Variants in IQCK observed in about 807,000 individuals in gnomAD.
IQCK encodes the protein IQ domain-containing protein K.
In IQCK, 29 loss-of-function variants were observed where a neutral mutation model predicts 28.1. The observed-to-expected ratio is 1.03, with a 90% CI of 0.77 to 1.41. The LOEUF (loss-of-function observed/expected upper bound fraction) is 1.41. Ranked by LOEUF, IQCK falls within the 40% of genes most tolerant of loss-of-function variation. The pLI is 0.00. For synonymous variants in IQCK, 113 were observed against 115.1 expected (o/e 0.98, Z 0.12); for missense variants, 359 against 314.7 (o/e 1.14, Z -1.07).
At chr16:19,724,972 T>A (rs1453164815) in intron 1 of IQCK, among the ~76,000 whole-genome samples, 8 of 152,192 alleles carry the variant, frequency 5.3e-5, no homozygotes. Context: ...GGTTCACTTG[T>A]GGCACAGGGG....
At chr16:19,773,323 C>T (rs1429974335) in intron 6 of IQCK, among the ~76,000 whole-genome samples, 2 of 152,152 alleles carry the variant, frequency 1.3e-5, no homozygotes, top group Non-Finnish European at 2.9e-5. Context: ...AGACCCAGCT[C>T]TGAATGTGCA....
At chr16:19,821,071 A>T (rs1471734281) in intron 7 of IQCK, among the ~76,000 whole-genome samples, 1 of 152,132 alleles carries the variant, frequency 6.6e-6, no homozygotes, top group Non-Finnish European at 1.5e-5. Flanking sequence ...AGCCAGGCAC[A>T]GTGGTACACA....
intron 9 of IQCK, among the ~76,000 whole-genome samples, chr16:19,840,651 G>C (rs2056353745): frequency 6.6e-6 from 1 of 152,170 alleles, no homozygotes. Flanking sequence ...CTTTGAAGTA[G>C]TTACTGCTAT....
chr16:19,753,110 G>A (rs2055008932), intron 4 of IQCK, among the ~76,000 whole-genome samples: 1 of 151,938 alleles, frequency 6.6e-6, no homozygotes, highest in African/African-American at 2.4e-5. Flanking sequence ...GAGCCAACTC[G>A]GGTCAATTGT....
chr16:19,740,978 A>AAAAT (rs1555514721), intron 4 of IQCK, among the ~76,000 whole-genome samples: 55 of 151,602 alleles, frequency 3.6e-4, no homozygotes, highest in African/African-American at 1.3e-3. Flanking sequence ...AAAAAAAAAA[A>AAAAT]AAAAAGAATA....
At chr16:19,748,353 G>A (rs950679046) in intron 4 of IQCK, among the ~76,000 whole-genome samples, 6 of 152,072 alleles carry the variant, frequency 3.9e-5, no homozygotes, top group Admixed American at 3.9e-4. Context: ...GGAATTACAG[G>A]CATGAGACAC....
chr16:19,856,555 C>T (rs539274992), exon 10 of IQCK: 2 of 1,611,254 alleles, frequency 1.2e-6, no homozygotes, highest in South Asian at 1.1e-5. Flanking sequence ...TTAACCATAG[C>T]TAAGACGTAT....
Position 19,746,536 on chromosome 16 carries a change from G to A in IQCK, c.474+11086G>A, listed in dbSNP as rs78439336. 9.1e-4 allele frequency among the ~76,000 whole-genome samples: 138 copies of A among 152,240 alleles called. 2 individuals carry two copies. The East Asian group carries it at 0.022, about 24-fold the overall frequency. ...TCCCATTGTGACTCTTAGAATTGCC[G>A]TCAGATCTAGTTTGTAAGCCATGCA... On this transcript the variant is annotated intron_variant, in intron 4 of 7. Coordinates refer to ENST00000564186, the Ensembl canonical transcript of IQCK.
In IQCK at chr16:19,825,775, A is replaced by G. The variant is rs549193851; in HGVS notation, c.691-1251A>G. ...AAAAATAATTATTGTTGAAATTACT[A>G]TTATTCATCTCTTTAATCTCAACGT... On this transcript the variant is annotated intron_variant, in intron 7 of 7. Coordinates refer to ENST00000564186, the Ensembl canonical transcript of IQCK. This position sits in a 1 kb window ranked among gnomAD's most constrained non-coding sequence, Gnocchi z 4.2. 4.3e-4 allele frequency among the ~76,000 whole-genome samples: 66 copies of G among 152,356 alleles called. No homozygotes were observed. The highest frequency in any genetic ancestry group is 1.5e-3 in the African/African-American group (63 of 41,596).
At chr16:19,744,581 G>C (rs1199191651) in intron 4 of IQCK, among the ~76,000 whole-genome samples, 1 of 152,242 alleles carries the variant, frequency 6.6e-6, no homozygotes, top group Non-Finnish European at 1.5e-5. Context: ...ATCTCAGCCT[G>C]AGAGTTAGAT....
intron 4 of IQCK, among the ~76,000 whole-genome samples, chr16:19,743,544 C>T (rs1206318866): frequency 1.3e-5 from 2 of 152,230 alleles, no homozygotes; most frequent in African/African-American, 2.4e-5. Context: ...AAGCACTTTA[C>T]CTGCAGTCAC....
chr16:19,743,190 T>TAAATAA (rs912661713), intron 4 of IQCK, among the ~76,000 whole-genome samples: 1 of 152,042 alleles, frequency 6.6e-6, no homozygotes, highest in Non-Finnish European at 1.5e-5. Flanking sequence ...AATAAATAAA[T>TAAATAA]AAAAGTCAGG....
chr16:19,748,795 A>G (rs1042606594), intron 4 of IQCK, among the ~76,000 whole-genome samples: 4 of 152,202 alleles, frequency 2.6e-5, no homozygotes, highest in African/African-American at 9.6e-5. Context: ...AAATCAAAAC[A>G]TAACTCTTAG....
intron 9 of IQCK, among the ~76,000 whole-genome samples, chr16:19,854,988 A>AT (rs1042574462): frequency 1.1e-4 from 16 of 152,250 alleles, no homozygotes; most frequent in African/African-American, 2.9e-4. Context: ...TATTAAAAAT[A>AT]TTTTTTTCTG....
chr16:19,724,415 T>C (rs946687849), intron 1 of IQCK, among the ~76,000 whole-genome samples: 12 of 152,164 alleles, frequency 7.9e-5, no homozygotes, highest in Non-Finnish European at 1.8e-4. Flanking sequence ...AACCTCCCAC[T>C]ATAGTATATG....
chr16:19,854,470 C>T (rs1370404686), intron 9 of IQCK, among the ~76,000 whole-genome samples: 1 of 152,162 alleles, frequency 6.6e-6, no homozygotes, highest in African/African-American at 2.4e-5. Context: ...TGGATGGGCT[C>T]CACCCCCAGT....
chr16:19,732,461 G>T (rs1035998958), intron 2 of IQCK, among the ~76,000 whole-genome samples: 1 of 152,070 alleles, frequency 6.6e-6, no homozygotes, highest in African/African-American at 2.4e-5. Flanking sequence ...GGGCGGTGGC[G>T]GCAGGAGGGT....
chr16:19,718,339 A>G (rs753700132), exon 1 of IQCK: 6 of 1,610,230 alleles, frequency 3.7e-6, no homozygotes, highest in South Asian at 3.3e-5. Flanking sequence ...CCAGCCACAT[A>G]GTGCGCCTCA....
intron 6 of IQCK, among the ~76,000 whole-genome samples, chr16:19,777,561 T>C (rs977073118): frequency 3.9e-5 from 6 of 152,214 alleles, no homozygotes; most frequent in Non-Finnish European, 7.3e-5. Context: ...TAAATCGTCT[T>C]TGCTTTTTAT....
Sources: gnomAD v4.1 joint callset for allele counts (sites outside exome capture counted in the v4.1 genomes callset) on GRCh38, gnomAD v4.1.1 for gene constraint, Gnocchi (gnomAD v3.1) non-coding constraint, MANE v1.5 for transcripts, NCBI Gene and HGNC (gene_info 2026-07-23, HGNC 2026-07-21) for gene names.